Variants in PRPF39 observed in about 807,000 individuals in gnomAD.
The protein encoded by PRPF39 is pre-mRNA processing factor 39, also known as pre-mRNA-processing factor 39.
Under a neutral mutation model 82.1 loss-of-function variants are expected in PRPF39, and 27 were observed. The observed-to-expected ratio is 0.33, with a 90% CI of 0.24 to 0.45. The LOEUF (loss-of-function observed/expected upper bound fraction) is 0.45. Among genes scored for constraint, PRPF39 ranks in the 20% least tolerant of loss-of-function variants. The pLI, the probability that PRPF39 is intolerant of heterozygous loss-of-function variation, is 1.00. For missense variants in PRPF39, 581 were observed against 796.9 expected (o/e 0.73, Z 3.26); for synonymous variants, 261 against 256.4 (o/e 1.02, Z -0.17).
In PRPF39 at chr14:45,114,163, A is replaced by G; in HGVS notation, c.1758-20A>G. On this transcript the variant is annotated intron_variant, in intron 11 of 13. Transcript: ENST00000355765. ...TTGTTTTTTGTATATTCCAGAGGAT[A>G]TTTTTTTCTTTCCTTTCAGGCTTCT... 6.5e-7 allele frequency: 1 copy of G among 1,528,378 alleles called. No individual in the cohort carries two copies. Among genetic ancestry groups the G allele is most frequent in the Non-Finnish European group, 8.9e-7 (1 of 1,118,350 alleles). 94.7% of individuals were successfully genotyped at this position (1,528,378 alleles called of 1,614,324 possible). A position where few individuals can be genotyped will look rare whatever the true frequency, so the allele number is the denominator to read the frequency against.
intron 1 of PRPF39, among the ~76,000 whole-genome samples, chr14:45,086,846 GTTTTTTTTTTTT>G (rs57666854): frequency 5.4e-4 from 64 of 118,462 alleles, no homozygotes; most frequent in Admixed American, 2.8e-3. Flanking sequence ...GTGTTTCTCA[GTTTTTTTTTTTT>G]TTTTTTTTTT....
At chr14:45,087,357 C>T (rs1303164193) in intron 1 of PRPF39, among the ~76,000 whole-genome samples, 1 of 152,184 alleles carries the variant, frequency 6.6e-6, no homozygotes, top group East Asian at 1.9e-4. Context: ...ACCTCGACTT[C>T]CAAAGTGCTG....
chr14:45,099,740 G>A (rs974922309), intron 4 of PRPF39, among the ~76,000 whole-genome samples: 2 of 152,262 alleles, frequency 1.3e-5, no homozygotes, highest in African/African-American at 2.4e-5. Flanking sequence ...CACCACGCCC[G>A]GCCCAGATTC....
intron 4 of PRPF39, among the ~76,000 whole-genome samples, chr14:45,100,542 T>C (rs554080007): frequency 6.6e-6 from 1 of 152,356 alleles, no homozygotes; most frequent in African/African-American, 2.4e-5. Context: ...CTAAACGTTC[T>C]GTCTTCATTT....
Position 45,109,618 on chromosome 14 carries a change from TA to T in PRPF39, c.1018del (p.Arg340AspfsTer6). Reference protein sequence around the residue: ...SKRWTFEEGIKRPYFHVKPLE... With the variant: ...SKRWTFEEGIXRPYFHVKPLE... ...GGCATGTTACAATTTCATTTCAGAT[TA>T]AAAGACCTTACTTTCATGTGAAACC... On this transcript the variant is annotated frameshift_variant, in exon 8 of 14. Coordinates refer to ENST00000355765, the MANE Select transcript of PRPF39 (RefSeq NM_017922.4). LOFTEE classifies it high-confidence loss of function. 6.3e-7 allele frequency: 1 copy of T among 1,598,550 alleles called. No homozygotes were observed. The highest frequency in any genetic ancestry group is 8.5e-7 in the Non-Finnish European group (1 of 1,172,850).
chr14:45,110,405 C>G lies in PRPF39; in HGVS notation c.1304-144C>G, dbSNP rs1174556877. On this transcript the variant is annotated intron_variant, in intron 9 of 13. Transcript: ENST00000355765. The surrounding 1 kb of genome is among the most constrained non-coding windows in gnomAD (Gnocchi z 4.0). Reference sequence around the variant, plus strand: ...GTAAGCCATTGTAGCCCCGAAACAGCCATAGGCAGTGTGTAAATATGCATG... The same window carrying G: ...GTAAGCCATTGTAGCCCCGAAACAGGCATAGGCAGTGTGTAAATATGCATG... 4 of 1,199,650 alleles carry G rather than the reference C, an allele frequency of 3.3e-6. No individual in the cohort carries two copies. Among genetic ancestry groups the G allele is most frequent in the Non-Finnish European group, 1.2e-6 (1 of 868,180 alleles). 74.3% of individuals were successfully genotyped at this position (1,199,650 alleles called of 1,614,324 possible).
intron 11 of PRPF39, among the ~76,000 whole-genome samples, chr14:45,113,250 CTAATA>C (rs1468989056): frequency 1.3e-5 from 2 of 152,288 alleles, no homozygotes; most frequent in East Asian, 1.9e-4. Flanking sequence ...TTCAGTGCAA[CTAATA>C]TAACAGCTAA....
In PRPF39 at chr14:45,096,012, A is replaced by G. The variant is rs1034176186; in HGVS notation, c.325-91A>G. On this transcript the variant is annotated intron_variant, in intron 2 of 13. Coordinates refer to ENST00000355765, the MANE Select transcript of PRPF39 (RefSeq NM_017922.4). ...GTTTTTAAGCCTGCCATTTATTATT[A>G]TTTTTTTAGATAATAACGTTTGAAA... The G allele has an allele frequency of 1.5e-5, 18 of 1,185,944 alleles. No individual in the cohort carries two copies. The South Asian group carries it at 2.5e-4, about 16-fold the overall frequency. 73.5% of individuals were successfully genotyped at this position (1,185,944 alleles called of 1,614,324 possible).
intron 5 of PRPF39, among the ~76,000 whole-genome samples, chr14:45,106,752 T>C (rs555404422): frequency 2.5e-4 from 38 of 152,196 alleles, no homozygotes; most frequent in Non-Finnish European, 4.6e-4. Context: ...TAAAAATAGA[T>C]GAGAACCAAA....
chr14:45,087,740 A>ATTTTTTT (rs35926249), intron 1 of PRPF39, among the ~76,000 whole-genome samples: 1 of 123,426 alleles, frequency 8.1e-6, no homozygotes, highest in Non-Finnish European at 1.7e-5. Context: ...TGCCCGGCTA[A>ATTTTTTT]TTTTTTTTTT....
intron 8 of PRPF39, 79 bp downstream of exon 8, chr14:45,109,859 G>C (rs1285899295): frequency 6.6e-7 from 1 of 1,522,864 alleles, no homozygotes; most frequent in African/African-American, 1.4e-5. Flanking sequence ...TACTTCTGTT[G>C]AATGTTGTTC....
Position 45,110,062 on chromosome 14 carries a change from A to G in PRPF39, c.1177-32A>G. On this transcript the variant is annotated intron_variant, in intron 8 of 13. Coordinates refer to ENST00000355765, the MANE Select transcript of PRPF39 (RefSeq NM_017922.4). This position sits in a 1 kb window ranked among gnomAD's most constrained non-coding sequence, Gnocchi z 4.0. ...AATTTAATGGCTTGTTCAACTGTAA[A>G]TTATTCAGTATTTCCTCTTTTCTGT... 1.2e-6 allele frequency: 2 copies of G among 1,609,390 alleles called. No homozygotes were observed. Among genetic ancestry groups the G allele is most frequent in the Non-Finnish European group, 1.7e-6 (2 of 1,177,602 alleles).
At chr14:45,099,157 G>T (rs1429499583) in intron 4 of PRPF39, among the ~76,000 whole-genome samples, 1 of 152,060 alleles carries the variant, frequency 6.6e-6, no homozygotes, top group African/African-American at 2.4e-5. Context: ...CTTTGATGTG[G>T]ATTTTCTTTT....
chr14:45,100,181 G>A (rs1460431075), intron 4 of PRPF39, among the ~76,000 whole-genome samples: 2 of 152,178 alleles, frequency 1.3e-5, no homozygotes. Flanking sequence ...AGTTAGCTGA[G>A]ATCGTGACAT....
At chr14:45,101,938 C>T (rs190771363) in intron 4 of PRPF39, among the ~76,000 whole-genome samples, 1 of 151,846 alleles carries the variant, frequency 6.6e-6, no homozygotes, top group Non-Finnish European at 1.5e-5. Context: ...TCCCAAGTAG[C>T]TGGGACTACA....
intron 7 of PRPF39, 76 bp from the exon 8 acceptor site, chr14:45,109,540 T>A (rs1884642183): frequency 6.4e-6 from 7 of 1,091,956 alleles, no homozygotes; most frequent in Non-Finnish European, 8.4e-6. Flanking sequence ...TTAAAATTAT[T>A]TGTATTAACA....
intron 1 of PRPF39, among the ~76,000 whole-genome samples, chr14:45,085,241 A>G (rs146286612): frequency 0.012 from 1,784 of 152,220 alleles, 17 homozygotes; most frequent in Non-Finnish European, 0.017. Flanking sequence ...GAGTTGCAAA[A>G]GTTGGAACTT....
chr14:45,099,585 C>T (rs1884308920), intron 4 of PRPF39, among the ~76,000 whole-genome samples: 1 of 152,128 alleles, frequency 6.6e-6, no homozygotes, highest in Non-Finnish European at 1.5e-5. Context: ...GCTGGGACTA[C>T]AGGCACCTGC....
intron 11 of PRPF39, among the ~76,000 whole-genome samples, chr14:45,113,114 T>C (rs762422503): frequency 1.3e-5 from 2 of 152,240 alleles, no homozygotes; most frequent in Non-Finnish European, 2.9e-5. Flanking sequence ...CAGTTCCTGT[T>C]AGGCATGTGC....
Sources: allele counts gnomAD v4.1 joint callset (sites outside exome capture counted in the v4.1 genomes callset), GRCh38; gene constraint gnomAD v4.1.1; non-coding constraint Gnocchi (gnomAD v3.1); transcripts MANE v1.5; gene names NCBI Gene and HGNC (gene_info 2026-07-23, HGNC 2026-07-21).